The following SAMD12 variants were observed in gnomAD, a reference collection of about 807,000 sequenced individuals.
SAMD12 encodes sterile alpha motif domain-containing protein 12.
SAMD12 carries 9 observed loss-of-function variants against 15.0 expected under a neutral mutation model. The observed-to-expected ratio is 0.60, with a 90% CI of 0.36 to 1.05. The LOEUF (loss-of-function observed/expected upper bound fraction) is 1.05. Among genes scored for constraint, SAMD12 ranks in the 50% least tolerant of loss-of-function variants. SAMD12 has a pLI of 0.01. For missense variants in SAMD12, 230 were observed against 234.2 expected (o/e 0.98, Z 0.12); for synonymous variants, 86 against 90.1 (o/e 0.96, Z 0.25).
intron 2 of SAMD12, among the ~76,000 whole-genome samples, chr8:118,534,529 G>A (rs1263785383): frequency 1.3e-5 from 2 of 152,298 alleles, no homozygotes; most frequent in East Asian, 3.9e-4. Context: ...ATAATATCCT[G>A]CAGAGTGTTT....
At chr8:118,372,882 C>G (rs1434533397) in intron 4 of SAMD12, among the ~76,000 whole-genome samples, 1 of 152,094 alleles carries the variant, frequency 6.6e-6, no homozygotes, top group Admixed American at 6.6e-5. Flanking sequence ...TTTGATAAGT[C>G]TAAATCCATC....
At chr8:118,596,579 G>A (rs573460758) in intron 1 of SAMD12, among the ~76,000 whole-genome samples, 10 of 152,296 alleles carry the variant, frequency 6.6e-5, no homozygotes, top group East Asian at 3.9e-4. Flanking sequence ...TGGAGGAAGC[G>A]CCAGCCTTTG....
chr8:118,148,806 G>C, the SAMD12 span, among the ~76,000 whole-genome samples: 59,844 of 152,064 alleles, frequency 0.39, 11,947 homozygotes, highest in African/African-American at 0.48. Flanking sequence ...CATCTTTCTT[G>C]TTTCACTTAG....
chr8:118,341,910 T>A (rs1037339915), intron 4 of SAMD12, among the ~76,000 whole-genome samples: 16 of 152,260 alleles, frequency 1.1e-4, no homozygotes, highest in African/African-American at 3.9e-4. Flanking sequence ...AAACCGTCTG[T>A]GTGGCAGACA....
rs577908273 is a variant in SAMD12, at chr8:118,500,277, C to T, written c.193-60316G>A. 2.6e-5 allele frequency among the ~76,000 whole-genome samples: 4 copies of T among 151,552 alleles called. No homozygotes were observed. The South Asian group carries it at 6.3e-4, about 24-fold the overall frequency. On this transcript the variant is annotated intron_variant, in intron 2 of 3. Coordinates refer to ENST00000314727, the MANE Select transcript of SAMD12 (RefSeq NM_207506.3). Reference sequence around the variant, plus strand: ...ATTTTTAGTAGAGACGGGGTTTCTCCATGTTGGTCAGGCTTGCCTCAAACT... The same window carrying T: ...ATTTTTAGTAGAGACGGGGTTTCTCTATGTTGGTCAGGCTTGCCTCAAACT...
intron 1 of SAMD12, among the ~76,000 whole-genome samples, chr8:118,600,175 T>C (rs1431949753): frequency 6.6e-6 from 1 of 152,162 alleles, no homozygotes; most frequent in Non-Finnish European, 1.5e-5. Context: ...TTATCCTGAG[T>C]GCAGCAGGGT....
At chr8:118,315,009 C>G (rs1465978034) in intron 4 of SAMD12, among the ~76,000 whole-genome samples, 1 of 152,176 alleles carries the variant, frequency 6.6e-6, no homozygotes, top group East Asian at 1.9e-4. Context: ...AATAATAAAA[C>G]TAACTTCACG....
At chr8:118,432,928 A>C (rs1822458303) in intron 3 of SAMD12, among the ~76,000 whole-genome samples, 1 of 152,196 alleles carries the variant, frequency 6.6e-6, no homozygotes, top group Non-Finnish European at 1.5e-5. Context: ...ATAATCCAAC[A>C]TCTTGAACAG....
At chr8:118,222,628 C>T (rs1812107248) in intron 4 of SAMD12, among the ~76,000 whole-genome samples, 1 of 152,050 alleles carries the variant, frequency 6.6e-6, no homozygotes, top group Non-Finnish European at 1.5e-5. Flanking sequence ...GCCTCAGTCT[C>T]CCGAGTAGCT....
chr8:118,329,309 T>C (rs903945298), intron 4 of SAMD12, among the ~76,000 whole-genome samples: 1 of 152,196 alleles, frequency 6.6e-6, no homozygotes, highest in Non-Finnish European at 1.5e-5. Context: ...TAATTTTTAC[T>C]TTTAGGTTTT....
chr8:118,162,385 T>C, the SAMD12 span, among the ~76,000 whole-genome samples: 5 of 151,218 alleles, frequency 3.3e-5, no homozygotes, highest in Non-Finnish European at 1.5e-5. Flanking sequence ...GAATGTAATC[T>C]TATTGGCAGG....
the SAMD12 span, among the ~76,000 whole-genome samples, chr8:118,160,916 T>G: frequency 6.6e-6 from 1 of 152,166 alleles, no homozygotes; most frequent in Non-Finnish European, 1.5e-5. Flanking sequence ...TAGCATTAGG[T>G]ATATCTCCTA....
At chr8:118,164,542 CTGT>C in the SAMD12 span, among the ~76,000 whole-genome samples, 2 of 152,134 alleles carry the variant, frequency 1.3e-5, no homozygotes, top group East Asian at 3.9e-4. Context: ...CCAACATAAG[CTGT>C]TATTATTTTT....
chr8:118,540,846 T>G (rs1014279069), intron 2 of SAMD12, among the ~76,000 whole-genome samples: 4 of 152,178 alleles, frequency 2.6e-5, no homozygotes, highest in African/African-American at 9.7e-5. Flanking sequence ...TTTTTTGTCT[T>G]CATTCCTTTC....
chr8:118,604,903 CAG>C (rs1416582318), intron 1 of SAMD12, among the ~76,000 whole-genome samples: 4 of 151,540 alleles, frequency 2.6e-5, no homozygotes, highest in Non-Finnish European at 5.9e-5. Context: ...GCCTGGGCGA[CAG>C]AGAGAGACTC....
intron 4 of SAMD12, among the ~76,000 whole-genome samples, chr8:118,226,986 T>G (rs1272151202): frequency 6.6e-6 from 1 of 152,224 alleles, no homozygotes; most frequent in Non-Finnish European, 1.5e-5. Flanking sequence ...CTTTCAGGGC[T>G]ACTATTCAAC....
At chr8:118,349,589 C>T (rs139056112) in intron 4 of SAMD12, among the ~76,000 whole-genome samples, 3 of 150,838 alleles carry the variant, frequency 2.0e-5, no homozygotes, top group African/African-American at 7.2e-5. Context: ...TACAGGCTTC[C>T]ATGGTGCTGT....
intron 4 of SAMD12, among the ~76,000 whole-genome samples, chr8:118,342,701 C>A (rs992536972): frequency 6.6e-6 from 1 of 152,206 alleles, no homozygotes; most frequent in Non-Finnish European, 1.5e-5. Context: ...TAGTAGTTCT[C>A]AAATGCTAGT....
At chr8:118,407,225 AT>A (rs1196065729) in intron 3 of SAMD12, among the ~76,000 whole-genome samples, 2 of 152,060 alleles carry the variant, frequency 1.3e-5, no homozygotes, top group African/African-American at 4.8e-5. Flanking sequence ...TCTATTTTTA[AT>A]TTTTTGAGGA....
Sources: allele counts gnomAD v4.1 joint callset (sites outside exome capture counted in the v4.1 genomes callset), GRCh38; gene constraint gnomAD v4.1.1; transcripts MANE v1.5; gene names NCBI Gene and HGNC (gene_info 2026-07-23, HGNC 2026-07-21).